Variants in CDH6 observed in about 807,000 individuals in gnomAD.
CDH6 encodes cadherin 6, also known as cadherin-6.
In CDH6, 31 loss-of-function variants were observed where a neutral mutation model predicts 78.0. The ratio of observed to expected loss-of-function variants is 0.40; its 90% CI spans 0.30 to 0.54. The LOEUF is 0.54. CDH6 is among the 20% of genes least tolerant of loss of function. The pLI is 0.56. For missense variants in CDH6, 724 were observed against 975.9 expected, an observed-to-expected ratio of 0.74 and a Z score of 3.44; for synonymous variants, 376 against 368.8, an observed-to-expected ratio of 1.02 and a Z score of -0.23.
intron 2 of CDH6, among the ~76,000 whole-genome samples, chr5:31,283,461 C>G (rs574961805): frequency 6.6e-6 from 1 of 152,078 alleles, no homozygotes; most frequent in African/African-American, 2.4e-5. Context: ...CCTCAGTTGC[C>G]TCATCACTTA....
intron 2 of CDH6, among the ~76,000 whole-genome samples, chr5:31,290,820 CT>C (rs1743137227): frequency 6.6e-6 from 1 of 152,118 alleles, no homozygotes; most frequent in Admixed American, 6.6e-5. Flanking sequence ...AGTGAAATTG[CT>C]TTACTATCAG....
intron 2 of CDH6, among the ~76,000 whole-genome samples, chr5:31,273,090 T>A (rs1157503971): frequency 6.6e-6 from 1 of 152,186 alleles, no homozygotes; most frequent in Non-Finnish European, 1.5e-5. Context: ...TTGTCAGCCA[T>A]ACACACCTTT....
intron 1 of CDH6, among the ~76,000 whole-genome samples, chr5:31,265,941 A>AT (rs1422526820): frequency 6.6e-6 from 1 of 151,216 alleles, no homozygotes; most frequent in African/African-American, 2.4e-5. Context: ...CGCCCGGCTA[A>AT]TTTTTTGTAT....
At chr5:31,256,716 C>T (rs1374795426) in intron 1 of CDH6, among the ~76,000 whole-genome samples, 2 of 152,154 alleles carry the variant, frequency 1.3e-5, no homozygotes, top group East Asian at 1.9e-4. Context: ...CTTTACTATT[C>T]TTGATTTAAA....
Position 31,322,942 on chromosome 5 carries a change from C to T in CDH6, c.2007C>T (p.Thr669=), listed in dbSNP as rs767670986. The T allele has an allele frequency of 2.2e-5, 36 of 1,613,748 alleles. No homozygotes were observed. The highest frequency in any genetic ancestry group is 2.1e-5 in the Non-Finnish European group (25 of 1,179,940). ...YNDEGGGEED[T]QAFDIGTLRN... ...ACGAAGGTGGTGGAGAGGAGGACAC[C>T]CAGGCTTTTGATATCGGCACCCTGA... Residue 669 remains threonine, a synonymous_variant, in exon 12 of 12, where the codon ACC becomes ACT. Coordinates refer to ENST00000265071, the MANE Select transcript of CDH6 (RefSeq NM_004932.4).
intron 1 of CDH6, among the ~76,000 whole-genome samples, chr5:31,203,233 C>CTTTTTTTTTTTTTTTTTTATTTTTT (rs10656122): frequency 7.9e-6 from 1 of 127,244 alleles, no homozygotes; most frequent in South Asian, 2.4e-4. Context: ...CAGGCAGGTC[C>CTTTTTTTTTTTTTTTTTTATTTTTT]TTTTTTTTTT....
intron 1 of CDH6, among the ~76,000 whole-genome samples, chr5:31,252,605 T>C (rs1238867723): frequency 6.6e-6 from 1 of 152,188 alleles, no homozygotes; most frequent in Non-Finnish European, 1.5e-5. Context: ...GCACTTTAGA[T>C]TCTTATAAGG....
chr5:31,260,667 A>G (rs1040919528), intron 1 of CDH6, among the ~76,000 whole-genome samples: 3 of 152,232 alleles, frequency 2.0e-5, no homozygotes, highest in Non-Finnish European at 4.4e-5. Flanking sequence ...CCTATTATCC[A>G]CAAATATAAA....
chr5:31,323,415 A>G lies in CDH6; in HGVS notation c.*107A>G. 7.7e-7 allele frequency: 1 copy of G among 1,294,246 alleles called. No homozygotes were observed. 80.2% of individuals were successfully genotyped at this position (1,294,246 alleles called of 1,614,324 possible). A position where few individuals can be genotyped will look rare whatever the true frequency, so the allele number is the denominator to read the frequency against. ...AGGCTTCTCTGTTCTACCCGTTCCAAAAGCCAATGGCTGCAGTCCGTGTGG... is the reference window on the plus strand; with the variant it reads ...AGGCTTCTCTGTTCTACCCGTTCCAGAAGCCAATGGCTGCAGTCCGTGTGG... On this transcript the variant is annotated 3_prime_UTR_variant, in exon 12 of 12. Transcript: ENST00000265071.
At chr5:31,253,974 G>A (rs375353984) in intron 1 of CDH6, among the ~76,000 whole-genome samples, 4 of 151,988 alleles carry the variant, frequency 2.6e-5, no homozygotes, top group Non-Finnish European at 5.9e-5. Flanking sequence ...ACCCACAGTC[G>A]ACCACAGTCC....
At chr5:31,254,662 T>C (rs769406514) in intron 1 of CDH6, among the ~76,000 whole-genome samples, 60 of 152,348 alleles carry the variant, frequency 3.9e-4, no homozygotes, top group Non-Finnish European at 7.1e-4. Context: ...CCAGTTATGC[T>C]GTTTAGGAAA....
At chr5:31,233,502 G>A (rs1741371832) in intron 1 of CDH6, among the ~76,000 whole-genome samples, 1 of 122,094 alleles carries the variant, frequency 8.2e-6, no homozygotes. Context: ...ATGACAGAGT[G>A]GGACTCTGTC....
intron 1 of CDH6, among the ~76,000 whole-genome samples, chr5:31,228,584 A>C (rs2111847141): frequency 6.6e-6 from 1 of 152,160 alleles, no homozygotes; most frequent in South Asian, 2.1e-4. Flanking sequence ...GTGGAAGAAA[A>C]TTTTTCCACA....
chr5:31,277,530 C>A (rs113744482), intron 2 of CDH6, among the ~76,000 whole-genome samples: 1,627 of 152,142 alleles, frequency 0.011, 32 homozygotes, highest in African/African-American at 0.037. Context: ...TATTTAATTA[C>A]CCTGAATGTT....
chr5:31,266,172 G>T (rs1742348392), intron 1 of CDH6, among the ~76,000 whole-genome samples: 1 of 151,988 alleles, frequency 6.6e-6, no homozygotes, highest in Non-Finnish European at 1.5e-5. Context: ...GGAGATATAG[G>T]CATATATGGC....
intron 1 of CDH6, chr5:31,251,810 C>T (rs1240922167): frequency 6.6e-6 from 1 of 152,280 alleles, no homozygotes; most frequent in African/African-American, 2.4e-5. Flanking sequence ...GTACTTCTAC[C>T]CATCAAGCTG....
At chr5:31,301,979 G>A (rs1737777383) in intron 5 of CDH6, 132 bp from the exon 6 acceptor site, 15 of 538,630 alleles carry the variant, frequency 2.8e-5, no homozygotes, top group South Asian at 4.6e-5. Context: ...GCCACCATTA[G>A]TTATTTTGAG....
At chr5:31,322,596 C>T (rs1406316728) in intron 11 of CDH6, among the ~76,000 whole-genome samples, 2 of 152,132 alleles carry the variant, frequency 1.3e-5, no homozygotes, top group Non-Finnish European at 2.9e-5. Flanking sequence ...GGTGTTTTAT[C>T]CTCTACTTAA....
intron 2 of CDH6, among the ~76,000 whole-genome samples, chr5:31,283,948 G>T (rs202065695): frequency 2.0e-5 from 3 of 151,906 alleles, no homozygotes; most frequent in Non-Finnish European, 4.4e-5. Flanking sequence ...CTTAGTAGCT[G>T]GGCCTACAGG....
Sources: allele counts gnomAD v4.1 joint callset (sites outside exome capture counted in the v4.1 genomes callset), GRCh38; gene constraint gnomAD v4.1.1; transcripts MANE v1.5; gene names NCBI Gene and HGNC (gene_info 2026-07-23, HGNC 2026-07-21).